The following FAM107B variants were observed in gnomAD, a reference collection of about 807,000 sequenced individuals.
FAM107B encodes family with sequence similarity 107 member B, also known as protein FAM107B.
FAM107B carries 21 observed loss-of-function variants against 31.5 expected under a neutral mutation model. The observed-to-expected ratio is 0.67, with a 90% confidence interval of 0.47 to 0.96. The LOEUF (loss-of-function observed/expected upper bound fraction) is 0.96, where lower values mean the gene tolerates loss of function less well. FAM107B is among the 40% of genes least tolerant of loss of function. The pLI is 0.00. For missense variants in FAM107B, 452 were observed against 377.1 expected, an observed-to-expected ratio of 1.20 and a Z score of -1.64; for synonymous variants, 157 against 141.5, an observed-to-expected ratio of 1.11 and a Z score of -0.78.
At chr10:14,760,185 T>C (rs1450514744) in intron 1 of FAM107B, among the ~76,000 whole-genome samples, 1 of 152,208 alleles carries the variant, frequency 6.6e-6, no homozygotes, top group Admixed American at 6.5e-5. Context: ...TGAAACACAG[T>C]ACTCAGAAAA....
intron 2 of FAM107B, among the ~76,000 whole-genome samples, chr10:14,609,746 G>A (rs913343060): frequency 2.0e-5 from 3 of 152,230 alleles, no homozygotes; most frequent in African/African-American, 7.2e-5. Context: ...TGGAGAAGTT[G>A]TGTGTATACC....
intron 2 of FAM107B, among the ~76,000 whole-genome samples, chr10:14,543,194 C>T (rs1048875273): frequency 1.3e-5 from 2 of 152,226 alleles, no homozygotes; most frequent in South Asian, 2.1e-4. Flanking sequence ...ACAGTGTCAC[C>T]CAGTGGTAAA....
chr10:14,569,515 C>T (rs764216122), intron 2 of FAM107B, among the ~76,000 whole-genome samples: 1 of 152,118 alleles, frequency 6.6e-6, no homozygotes, highest in Non-Finnish European at 1.5e-5. Context: ...CCAGCAAAAA[C>T]TTTAGCATCA....
intron 1 of FAM107B, among the ~76,000 whole-genome samples, chr10:14,767,091 G>GAGAGAGAGAC (rs1213637972): frequency 9.0e-6 from 1 of 110,606 alleles, no homozygotes; most frequent in East Asian, 2.6e-4. Flanking sequence ...GAGAGAGAGA[G>GAGAGAGAGAC]AGAGAGAGAC....
rs111831632 is a variant in FAM107B at position 14,752,571 on chromosome 10, G to A, written c.411+21682C>T. Among the ~76,000 whole-genome samples, 214 of 152,238 alleles carry A rather than the reference G, an allele frequency of 1.4e-3. 1 individual carries two copies. Among genetic ancestry groups the A allele is most frequent in the African/African-American group, 4.6e-3 (192 of 41,512 alleles). On this transcript the variant is annotated intron_variant, in intron 1 of 4. Transcript: ENST00000181796. Reference sequence around the variant, plus strand: ...GTGAACCACGCTGTGGAGTTTAATCGCATCGTGTATGTGGGACCTCTGTGT... The same window carrying A: ...GTGAACCACGCTGTGGAGTTTAATCACATCGTGTATGTGGGACCTCTGTGT...
At chr10:14,692,598 C>G (rs960553568) in intron 1 of FAM107B, among the ~76,000 whole-genome samples, 1 of 152,084 alleles carries the variant, frequency 6.6e-6, no homozygotes, top group Non-Finnish European at 1.5e-5. Context: ...CTGAACATAC[C>G]CGTTTGTCAT....
intron 2 of FAM107B, among the ~76,000 whole-genome samples, chr10:14,628,116 T>TTTTTTGTTTTTTTTTTG (rs1365254721): frequency 7.4e-5 from 9 of 121,624 alleles, no homozygotes; most frequent in Non-Finnish European, 1.3e-4. Flanking sequence ...TTGCTGGTTT[T>TTTTTTGTTTTTTTTTTG]TTTTTTTTTT....
intron 2 of FAM107B, among the ~76,000 whole-genome samples, chr10:14,657,559 A>G (rs1854096064): frequency 1.3e-5 from 2 of 152,174 alleles, no homozygotes; most frequent in African/African-American, 4.8e-5. Context: ...TTCCAGGGCA[A>G]TTTCCACAGA....
At chr10:14,525,181 C>T (rs1468176067) in intron 3 of FAM107B, among the ~76,000 whole-genome samples, 1 of 152,182 alleles carries the variant, frequency 6.6e-6, no homozygotes, top group Non-Finnish European at 1.5e-5. Context: ...ATTAGTTTCT[C>T]CAAATGTCAT....
intron 2 of FAM107B, among the ~76,000 whole-genome samples, chr10:14,603,175 T>TA (rs1852460395): frequency 6.6e-6 from 1 of 152,188 alleles, no homozygotes; most frequent in African/African-American, 2.4e-5. Flanking sequence ...TGAAAAGTTT[T>TA]AAACCGGAAA....
In FAM107B at chr10:14,532,905, C is replaced by T. The variant is rs557579040; in HGVS notation, c.470-2390G>A. Reference sequence around the variant, plus strand: ...AGCTGGAGGGAATGTGACAGAAGAGCGGGCCGTGATCAGCAGCGAGAAGAG... The same window carrying T: ...AGCTGGAGGGAATGTGACAGAAGAGTGGGCCGTGATCAGCAGCGAGAAGAG... On this transcript the variant is annotated intron_variant, in intron 2 of 4. Coordinates refer to ENST00000181796, the MANE Select transcript of FAM107B (RefSeq NM_031453.4). 4.6e-5 allele frequency among the ~76,000 whole-genome samples: 7 copies of T among 152,186 alleles called. No homozygotes were observed. In the South Asian group the frequency reaches 1.0e-3, roughly 23 times the overall value.
chr10:14,632,610 CAAA>C (rs5783414), intron 2 of FAM107B, among the ~76,000 whole-genome samples: 13 of 90,530 alleles, frequency 1.4e-4, no homozygotes, highest in Admixed American at 2.4e-4. Flanking sequence ...GACTCTGTCT[CAAA>C]AAAAAAAAAA....
intron 2 of FAM107B, among the ~76,000 whole-genome samples, chr10:14,599,496 G>A (rs1043206206): frequency 2.0e-5 from 3 of 152,116 alleles, no homozygotes; most frequent in East Asian, 3.8e-4. Flanking sequence ...GACTATTCAC[G>A]TGTGCTTAAC....
At chr10:14,751,566 G>A (rs958942836) in intron 1 of FAM107B, among the ~76,000 whole-genome samples, 24 of 151,676 alleles carry the variant, frequency 1.6e-4, no homozygotes, top group African/African-American at 5.8e-4. Flanking sequence ...GCAGTGATGT[G>A]ATCAGAGCTC....
rs367780011 is a variant in FAM107B, at chr10:14,521,211, G to A, written c.900C>T (p.Val300=). 32 of 1,613,988 alleles carry A rather than the reference G, an allele frequency of 2.0e-5. No individual in the cohort carries two copies. The highest frequency in any genetic ancestry group is 5.3e-5 in the African/African-American group (4 of 74,924). ...KGNLRRTGQE[V]AQAQES ...CAGCCTAGGACTCCTGGGCTTGGGC[G>A]ACTTCTTGGCCTGTTCTCCTGAGAT... is the stretch of plus-strand genomic sequence containing the variant. The change falls in exon 5 of 5, where the codon GTC becomes GTT. Residue 300 remains valine (V), a synonymous_variant. Transcript: ENST00000181796.
intron 1 of FAM107B, among the ~76,000 whole-genome samples, chr10:14,758,888 A>G (rs1380332637): frequency 6.7e-6 from 1 of 150,036 alleles, no homozygotes; most frequent in East Asian, 1.9e-4. Context: ...AAAAAAAAAA[A>G]AAAAAAAAAG....
intron 2 of FAM107B, among the ~76,000 whole-genome samples, chr10:14,631,932 G>A (rs965320312): frequency 2.6e-5 from 4 of 152,074 alleles, no homozygotes; most frequent in South Asian, 2.1e-4. Context: ...CCATACGACC[G>A]CACAAGCTTG....
rs925963137 is a variant in FAM107B at position 14,774,447 on chromosome 10, G to C, written c.217C>G (p.Pro73Ala). The C allele has an allele frequency of 1.2e-6, 2 of 1,614,026 alleles. No homozygotes were observed. The highest frequency in any genetic ancestry group is 1.6e-4 in the Middle Eastern group (1 of 6,084). The change falls in exon 1 of 5, where the codon CCA becomes GCA. Residue 73 changes from proline (P) to alanine (A), a missense_variant. Transcript: ENST00000181796. ...QPRHPSAEGA[P>A]EKRQDSSTHA... is the part of the protein sequence containing the mutation. ...GTGCTCGAATCTTGCCTTTTCTCTG[G>C]AGCTCCTTCTGCGCTTGGGTGTCTT...
chr10:14,652,309 C>T (rs1194298628), intron 2 of FAM107B, among the ~76,000 whole-genome samples: 1 of 152,194 alleles, frequency 6.6e-6, no homozygotes, highest in African/African-American at 2.4e-5. Flanking sequence ...CACCAGATCC[C>T]AGATCCCTGC....
Sources: allele counts gnomAD v4.1 joint callset (sites outside exome capture counted in the v4.1 genomes callset), GRCh38; gene constraint gnomAD v4.1.1; transcripts MANE v1.5; gene names NCBI Gene and HGNC (gene_info 2026-07-23, HGNC 2026-07-21).